Variants in SLC35F4 observed in about 807,000 individuals in gnomAD.
The protein encoded by SLC35F4 is solute carrier family 35 member F4.
A neutral mutation model predicts 44.2 loss-of-function variants in SLC35F4; 24 were observed. The observed-to-expected ratio is 0.54, with a 90% CI of 0.39 to 0.76. The LOEUF is 0.76. SLC35F4 is among the 30% of genes least tolerant of loss of function. SLC35F4 has a pLI of 0.00. For missense variants in SLC35F4, 562 were observed against 586.1 expected, an observed-to-expected ratio of 0.96 and a Z score of 0.42; for synonymous variants, 238 against 223.6, an observed-to-expected ratio of 1.06 and a Z score of -0.57.
chr14:57,566,448 T>A, intron 7 of SLC35F4, 27 bp downstream of exon 7: 1 of 1,564,592 alleles, frequency 6.4e-7, no homozygotes, highest in Non-Finnish European at 8.7e-7. Context: ...GTGGCCAGGA[T>A]CTGCACATGT....
chr14:57,599,502 G>A (rs919647897), intron 1 of SLC35F4, among the ~76,000 whole-genome samples: 3 of 152,152 alleles, frequency 2.0e-5, no homozygotes, highest in Non-Finnish European at 4.4e-5. Flanking sequence ...TTTAACTACA[G>A]CTCTTACTAA....
intron 1 of SLC35F4, among the ~76,000 whole-genome samples, chr14:57,634,682 G>A (rs921340241): frequency 1.3e-5 from 2 of 152,226 alleles, no homozygotes; most frequent in Admixed American, 6.5e-5. Flanking sequence ...TTTCCCCTAA[G>A]TATAATTCAA....
rs74052377 is a variant in SLC35F4 at position 57,630,727 on chromosome 14, C to A, written c.104-36603G>T. ...TGATCATTTTTAGGCGTGTGTCATT[C>A]ACTTATTCATAGTTTGGTTTACCTA... On this transcript the variant is annotated intron_variant, in intron 1 of 7. Coordinates refer to ENST00000556826, the MANE Select transcript of SLC35F4 (RefSeq NM_001306087.2). 3,807 of 534,154 alleles carry A rather than the reference C, an allele frequency of 7.1e-3. 103 individuals are homozygous for A. Among genetic ancestry groups the A allele is most frequent in the African/African-American group, 0.065 (3,416 of 52,382 alleles). The allele number at this position is 534,154 out of a possible 1,614,324, so 33.1% of individuals were successfully genotyped here.
At chr14:57,955,195 A>G (rs1050182282) in intron 1 of SLC35F4, among the ~76,000 whole-genome samples, 2 of 152,226 alleles carry the variant, frequency 1.3e-5, no homozygotes, top group African/African-American at 2.4e-5. Flanking sequence ...CAAAAATCAC[A>G]TGATCATCTC....
chr14:57,672,019 G>C (rs1444451912), intron 1 of SLC35F4, among the ~76,000 whole-genome samples: 1 of 151,808 alleles, frequency 6.6e-6, no homozygotes, highest in Non-Finnish European at 1.5e-5. Context: ...GATTTTTCTA[G>C]GAAAACCTAA....
Position 57,627,932 on chromosome 14 carries a change from G to T in SLC35F4, c.104-33808C>A, listed in dbSNP as rs552773560. Among the ~76,000 whole-genome samples the T allele has an allele frequency of 2.0e-5, 3 of 152,046 alleles. No homozygotes were observed. The East Asian group carries it at 5.8e-4, about 29-fold the overall frequency. On this transcript the variant is annotated intron_variant, in intron 1 of 7. Transcript: ENST00000556826. ...TTTCCCCTTTATTCTTTAGAAATGG[G>T]CTCAACCTCAGCTCAGTTGGAATGT...
chr14:57,967,319 C>G (rs1022999184), intron 1 of SLC35F4, among the ~76,000 whole-genome samples: 22 of 152,302 alleles, frequency 1.4e-4, no homozygotes, highest in Admixed American at 1.3e-3. Context: ...TGACCATCTT[C>G]CCAATTAATC....
At chr14:57,568,666 A>AAAAAG (rs2068326940) in intron 6 of SLC35F4, among the ~76,000 whole-genome samples, 1 of 152,166 alleles carries the variant, frequency 6.6e-6, no homozygotes, top group Admixed American at 6.5e-5. Context: ...TGACCCAATC[A>AAAAAG]ATACTCTTGC....
chr14:57,659,836 G>A (rs942782144), intron 1 of SLC35F4, among the ~76,000 whole-genome samples: 2 of 152,106 alleles, frequency 1.3e-5, no homozygotes, highest in African/African-American at 4.8e-5. Context: ...AAATGTTTTG[G>A]CAATATAATC....
chr14:57,818,601 C>T (rs111699469), intron 1 of SLC35F4, among the ~76,000 whole-genome samples: 1 of 152,116 alleles, frequency 6.6e-6, no homozygotes, highest in African/African-American at 2.4e-5. Flanking sequence ...CCTGTAGTCA[C>T]ATTAAATGTG....
intron 1 of SLC35F4, chr14:57,596,147 C>A (rs971107539): frequency 5.2e-5 from 8 of 152,402 alleles, no homozygotes; most frequent in Non-Finnish European, 1.2e-4. Flanking sequence ...ATCTCCTGTA[C>A]CTGTAAATAT....
chr14:57,758,116 ACT>A (rs1343245197), intron 1 of SLC35F4, among the ~76,000 whole-genome samples: 8 of 150,714 alleles, frequency 5.3e-5, no homozygotes, highest in African/African-American at 2.0e-4. Flanking sequence ...ATCTGCAGAC[ACT>A]CTTATTTTTT....
rs773377414 is a variant in SLC35F4, at chr14:57,826,672, A to C, written c.103+39051T>G. ...AATTTAAACAAATTTAAAAGAAAAA[A>C]AAAACTAGTAAGAAGTGGGTGAAGG... On this transcript the variant is annotated intron_variant, in intron 1 of 7. Coordinates refer to ENST00000556826, the MANE Select transcript of SLC35F4 (RefSeq NM_001306087.2). Among the ~76,000 whole-genome samples the C allele has an allele frequency of 6.6e-5, 10 of 152,134 alleles. No individual in the cohort carries two copies. The South Asian group carries it at 1.0e-3, about 16-fold the overall frequency.
At chr14:57,589,647 C>A (rs952830731) in intron 2 of SLC35F4, 134 bp from the exon 3 acceptor site, 1 of 996,286 alleles carries the variant, frequency 1.0e-6, no homozygotes, top group Non-Finnish European at 1.4e-6. Context: ...TCTTTTCTAC[C>A]ATCATTTGAA....
intron 1 of SLC35F4, among the ~76,000 whole-genome samples, chr14:57,845,146 A>G (rs1885894356): frequency 6.6e-6 from 1 of 152,214 alleles, no homozygotes; most frequent in African/African-American, 2.4e-5. Flanking sequence ...ATCCTGTAGA[A>G]CTTCAGGAGG....
intron 6 of SLC35F4, among the ~76,000 whole-genome samples, chr14:57,569,376 C>G (rs2068369349): frequency 6.6e-6 from 1 of 152,192 alleles, no homozygotes; most frequent in African/African-American, 2.4e-5. Context: ...TCCTTTCTTC[C>G]AAACTCAGTG....
rs772619985 is a variant in SLC35F4, at chr14:57,564,335, G to A, written c.1258C>T (p.Arg420Cys). The A allele has an allele frequency of 4.3e-6, 7 of 1,610,160 alleles. No homozygotes were observed. The highest frequency in any genetic ancestry group is 5.9e-6 in the Non-Finnish European group (7 of 1,178,340). ...LKQEVIFNVV[R>C]LAATIIICIG... is the part of the protein sequence containing the mutation. ...CAGATGATGATGGTAGCAGCCAGGCGGACAACATTGAATATCACCTCCTGC... is the reference window on the plus strand; with the variant it reads ...CAGATGATGATGGTAGCAGCCAGGCAGACAACATTGAATATCACCTCCTGC... Residue 420 changes from arginine (R) to cysteine (C), a missense_variant, in exon 8 of 8, where the codon CGC (arginine) becomes TGC (cysteine). By Grantham distance (180) the Arg-to-Cys change is radical (BLOSUM62 -3). Coordinates refer to ENST00000556826, the MANE Select transcript of SLC35F4 (RefSeq NM_001306087.2).
At chr14:57,953,135 A>G (rs1010987983) in intron 1 of SLC35F4, among the ~76,000 whole-genome samples, 3 of 152,218 alleles carry the variant, frequency 2.0e-5, no homozygotes, top group Non-Finnish European at 4.4e-5. Context: ...ACAAATATTC[A>G]ACATTCTTAA....
At chr14:57,822,576 C>A (rs1566882326) in intron 1 of SLC35F4, among the ~76,000 whole-genome samples, 1 of 151,948 alleles carries the variant, frequency 6.6e-6, no homozygotes, top group Non-Finnish European at 1.5e-5. Context: ...TTAAAAAACC[C>A]AACATATTAC....
Sources: allele counts gnomAD v4.1 joint callset (sites outside exome capture counted in the v4.1 genomes callset), GRCh38; gene constraint gnomAD v4.1.1; transcripts MANE v1.5; gene names NCBI Gene and HGNC (gene_info 2026-07-23, HGNC 2026-07-21).